TENM2: variants seen among roughly 807,000 people sequenced by gnomAD.
TENM2 encodes teneurin transmembrane protein 2, also known as teneurin-2.
TENM2 carries 52 observed loss-of-function variants against 245.2 expected under a neutral mutation model. The observed-to-expected ratio is 0.21, with a 90% CI of 0.17 to 0.27. The LOEUF (loss-of-function observed/expected upper bound fraction) is 0.27, where lower values mean the gene tolerates loss of function less well. Among genes scored for constraint, TENM2 ranks in the 10% least tolerant of loss-of-function variants. The pLI is 1.00. For missense variants in TENM2, 3,046 were observed against 3,666.8 expected, an observed-to-expected ratio of 0.83 and a Z score of 4.37; for synonymous variants, 1,363 against 1,438.9, an observed-to-expected ratio of 0.95 and a Z score of 1.19.
At position 168,169,763 on chromosome 5, in the gene TENM2, G is replaced by A. The variant is rs532195034; in HGVS notation, c.2569+7006G>A. On this transcript the variant is annotated intron_variant, in intron 13 of 28. Coordinates refer to ENST00000518659, the Ensembl canonical transcript of TENM2. The stretch of plus-strand genomic sequence containing the variant: ...AAAGCTTGGTGAACCCACTGTAAAT[G>A]CCTTGATTAATGTATCCCAATCGTG... Among the ~76,000 whole-genome samples the A allele has an allele frequency of 1.3e-4, 20 of 152,350 alleles. 1 individual carries two copies. The highest frequency in any genetic ancestry group is 4.8e-4 in the African/African-American group (20 of 41,580).
chr5:168,224,275 A>G (rs4976584), intron 23 of TENM2, among the ~76,000 whole-genome samples: 2 of 152,110 alleles, frequency 1.3e-5, no homozygotes, highest in Non-Finnish European at 2.9e-5. Flanking sequence ...GCGCCACCCC[A>G]TGCCTGGGGC....
intron 5 of TENM2, among the ~76,000 whole-genome samples, chr5:168,000,608 A>C (rs541866398): frequency 2.6e-5 from 4 of 152,344 alleles, no homozygotes; most frequent in Admixed American, 2.0e-4. Context: ...ATCAATTATG[A>C]GAAATGCCAT....
chr5:167,772,873 AT>A (rs1365174189), intron 2 of TENM2, among the ~76,000 whole-genome samples: 2 of 152,238 alleles, frequency 1.3e-5, no homozygotes, highest in African/African-American at 4.8e-5. Flanking sequence ...CTTCCTAAAT[AT>A]GATTTAATTC....
the TENM2 span, among the ~76,000 whole-genome samples, chr5:167,168,650 C>T: frequency 6.6e-6 from 1 of 152,210 alleles, no homozygotes. Context: ...ATGGAAGGAA[C>T]TTTGCTTCTT....
At chr5:168,196,583 T>C (rs950334889) in intron 15 of TENM2, among the ~76,000 whole-genome samples, 22 of 152,176 alleles carry the variant, frequency 1.4e-4, no homozygotes, top group African/African-American at 5.3e-4. Flanking sequence ...TGCCTCAGCC[T>C]CCCGAGTAGC....
At chr5:167,247,607 C>T in the TENM2 span, among the ~76,000 whole-genome samples, 23 of 152,258 alleles carry the variant, frequency 1.5e-4, no homozygotes, top group Non-Finnish European at 2.6e-4. Context: ...CAGCCTGCCT[C>T]CTCTGCTTCT....
At chr5:167,168,196 A>G in the TENM2 span, 1 of 152,310 alleles carries the variant, frequency 6.6e-6, no homozygotes, top group Non-Finnish European at 1.5e-5. Flanking sequence ...TGAATTGTTT[A>G]TGCTTACCTA....
intron 7 of TENM2, among the ~76,000 whole-genome samples, chr5:168,084,667 C>T (rs1229838522): frequency 6.6e-6 from 1 of 152,170 alleles, no homozygotes; most frequent in African/African-American, 2.4e-5. Flanking sequence ...TGGCATCTTC[C>T]AGGAACAGAG....
At chr5:167,774,749 G>T (rs939447485) in intron 2 of TENM2, among the ~76,000 whole-genome samples, 2 of 152,190 alleles carry the variant, frequency 1.3e-5, no homozygotes, top group African/African-American at 4.8e-5. Flanking sequence ...AGTGGATTCT[G>T]TGCATAATGG....
At chr5:167,353,019 C>T (rs188812070) in intron 1 of TENM2, among the ~76,000 whole-genome samples, 7 of 152,064 alleles carry the variant, frequency 4.6e-5, no homozygotes, top group African/African-American at 1.7e-4. Flanking sequence ...CTCAAAGCGG[C>T]GCATAACGAC....
Position 168,164,292 on chromosome 5 carries a change from T to A in TENM2, c.2569+1535T>A, listed in dbSNP as rs191279064. 3.9e-5 allele frequency among the ~76,000 whole-genome samples: 6 copies of A among 152,056 alleles called. 1 individual carries two copies. In the East Asian group the frequency reaches 1.2e-3, roughly 29 times the overall value. On this transcript the variant is annotated intron_variant, in intron 13 of 28. Transcript: ENST00000518659. ...TTTAAGAGTTTTTGTGGTAAGAACA[T>A]TTTAACGTAAGATCTACCCTCTTAG...
chr5:167,438,416 T>G (rs1478797247), intron 2 of TENM2, among the ~76,000 whole-genome samples: 2 of 152,184 alleles, frequency 1.3e-5, no homozygotes, highest in Non-Finnish European at 2.9e-5. Context: ...GCAATCAACA[T>G]ACTAAATGGA....
At chr5:168,111,412 T>C (rs992207494) in intron 9 of TENM2, among the ~76,000 whole-genome samples, 9 of 151,936 alleles carry the variant, frequency 5.9e-5, no homozygotes, top group Admixed American at 3.9e-4. Flanking sequence ...AGCGTCTGAG[T>C]ACTCTGGGCA....
At chr5:167,819,563 G>A (rs1316736616) in intron 2 of TENM2, among the ~76,000 whole-genome samples, 1 of 152,190 alleles carries the variant, frequency 6.6e-6, no homozygotes, top group Non-Finnish European at 1.5e-5. Context: ...TGCCTGCCAA[G>A]CAGGGACTCT....
chr5:167,807,200 TGCTG>T (rs1766266762), intron 2 of TENM2, among the ~76,000 whole-genome samples: 1 of 140,362 alleles, frequency 7.1e-6, no homozygotes, highest in East Asian at 2.6e-4. Context: ...CCAAGGGTTT[TGCTG>T]TCACCTCCCA....
chr5:168,074,292 T>C (rs1400750929), intron 7 of TENM2, among the ~76,000 whole-genome samples: 1 of 152,082 alleles, frequency 6.6e-6, no homozygotes, highest in East Asian at 1.9e-4. Flanking sequence ...GGGAGGAAAT[T>C]TGGCAGAACC....
intron 5 of TENM2, among the ~76,000 whole-genome samples, chr5:168,031,618 G>A (rs999058384): frequency 8.6e-5 from 13 of 151,394 alleles, no homozygotes; most frequent in Non-Finnish European, 1.8e-4. Context: ...GAAAGACAGA[G>A]GGATCGAGTA....
the TENM2 span, among the ~76,000 whole-genome samples, chr5:167,013,091 G>A: frequency 2.0e-5 from 3 of 152,118 alleles, no homozygotes; most frequent in South Asian, 6.2e-4. Flanking sequence ...ATAAAAAGAG[G>A]CCATTGGAAA....
In TENM2 at chr5:168,215,035, T is replaced by G. The variant is rs1159272624; in HGVS notation, c.3846-5T>G. ...TCATTTCTCTTTGTGCTTCTTCTAC[T>G]AAAGCAACAACCCAGCACACAAGTA... On this transcript the variant is annotated splice_polypyrimidine_tract_variant and splice_region_variant and intron_variant, in intron 20 of 28. Coordinates refer to ENST00000518659, the Ensembl canonical transcript of TENM2. 1 of 1,613,524 alleles carries G rather than the reference T, an allele frequency of 6.2e-7. No homozygotes were observed. The highest frequency in any genetic ancestry group is 1.1e-5 in the South Asian group (1 of 91,040).
Sources: allele counts gnomAD v4.1 joint callset (sites outside exome capture counted in the v4.1 genomes callset), GRCh38; gene constraint gnomAD v4.1.1; transcripts MANE v1.5; gene names NCBI Gene and HGNC (gene_info 2026-07-23, HGNC 2026-07-21).